Variants in HS6ST3 observed in about 807,000 individuals in gnomAD.
The protein encoded by HS6ST3 is heparan sulfate 6-O-sulfotransferase 3.
In HS6ST3, 12 loss-of-function variants were observed where a neutral mutation model predicts 36.7. The ratio of observed to expected loss-of-function variants is 0.33; its 90% CI spans 0.21 to 0.53. HS6ST3 has a LOEUF of 0.53. Ranked by LOEUF, HS6ST3 falls within the 20% of genes least tolerant of loss-of-function variation. The pLI is 0.95. For synonymous variants in HS6ST3, 240 were observed against 257.5 expected (o/e 0.93, Z 0.65); for missense variants, 584 against 640.9 (o/e 0.91, Z 0.96).
intron 1 of HS6ST3, among the ~76,000 whole-genome samples, chr13:96,432,238 T>A (rs2139475224): frequency 6.6e-6 from 1 of 152,332 alleles, no homozygotes; most frequent in East Asian, 1.9e-4. Context: ...AAACTATGGC[T>A]AATGACCCCT....
intron 1 of HS6ST3, among the ~76,000 whole-genome samples, chr13:96,125,772 A>C (rs1431833112): frequency 6.6e-6 from 1 of 150,630 alleles, no homozygotes; most frequent in African/African-American, 2.5e-5. Flanking sequence ...CCATTTTTTT[A>C]TTTTTTATTT....
intron 1 of HS6ST3, among the ~76,000 whole-genome samples, chr13:96,677,191 T>C (rs2056701548): frequency 6.6e-6 from 1 of 152,158 alleles, no homozygotes; most frequent in Admixed American, 6.6e-5. Flanking sequence ...GAGTCAAAGT[T>C]ATCTGTATTT....
intron 1 of HS6ST3, among the ~76,000 whole-genome samples, chr13:96,626,893 C>T (rs1399226968): frequency 6.6e-6 from 1 of 151,884 alleles, no homozygotes; most frequent in East Asian, 1.9e-4. Flanking sequence ...ATTTTCAATA[C>T]TCATTTTGTA....
At position 96,388,002 on chromosome 13, in the gene HS6ST3, C is replaced by T. The variant is rs749409466; in HGVS notation, c.707+296433C>T. On this transcript the variant is annotated intron_variant, in intron 1 of 1. Coordinates refer to ENST00000376705, the MANE Select transcript of HS6ST3 (RefSeq NM_153456.4). ...TACCACCAATTCTGATATAAAACAA[C>T]GATTTGGCCAACTTTGATGGCCTTT... Among the ~76,000 whole-genome samples the T allele has an allele frequency of 8.5e-5, 13 of 152,144 alleles. No individual in the cohort carries two copies. In the East Asian group the frequency reaches 1.4e-3, roughly 16 times the overall value.
At chr13:96,127,484 C>T (rs1023366621) in intron 1 of HS6ST3, among the ~76,000 whole-genome samples, 1 of 152,196 alleles carries the variant, frequency 6.6e-6, no homozygotes, top group Non-Finnish European at 1.5e-5. Flanking sequence ...GGTGGTGTTG[C>T]TCGCTTGCCT....
intron 1 of HS6ST3, among the ~76,000 whole-genome samples, chr13:96,107,242 G>A (rs1236313538): frequency 6.6e-6 from 1 of 152,152 alleles, no homozygotes; most frequent in African/African-American, 2.4e-5. Flanking sequence ...AAGTGTGCTG[G>A]ACTGTAGGAG....
chr13:96,427,140 G>C (rs2055591206), intron 1 of HS6ST3: 1 of 154,292 alleles, frequency 6.5e-6, no homozygotes, highest in African/African-American at 2.4e-5. Flanking sequence ...TAGTTGGTGG[G>C]GACATAGAAA....
At chr13:96,492,496 G>A (rs981083222) in intron 1 of HS6ST3, among the ~76,000 whole-genome samples, 3 of 152,224 alleles carry the variant, frequency 2.0e-5, no homozygotes, top group African/African-American at 7.2e-5. Context: ...AGTAATTTGA[G>A]TACTTTGCCT....
At chr13:96,286,384 G>A (rs2054802650) in intron 1 of HS6ST3, among the ~76,000 whole-genome samples, 1 of 152,116 alleles carries the variant, frequency 6.6e-6, no homozygotes, top group Admixed American at 6.5e-5. Context: ...CTGGATGTGT[G>A]TGTGGAGGGA....
At chr13:96,572,133 C>T (rs1369456449) in intron 1 of HS6ST3, among the ~76,000 whole-genome samples, 2 of 152,194 alleles carry the variant, frequency 1.3e-5, no homozygotes, top group African/African-American at 4.8e-5. Context: ...TTAATTTCTG[C>T]TATTAATAGA....
At chr13:96,335,161 A>G (rs921542782) in intron 1 of HS6ST3, among the ~76,000 whole-genome samples, 1 of 152,102 alleles carries the variant, frequency 6.6e-6, no homozygotes, top group African/African-American at 2.4e-5. Flanking sequence ...CATGTGTGCC[A>G]TGTGCCCATC....
intron 1 of HS6ST3, among the ~76,000 whole-genome samples, chr13:96,499,046 T>G (rs2055991238): frequency 8.1e-6 from 1 of 123,752 alleles, no homozygotes; most frequent in Admixed American, 8.3e-5. Context: ...TTTTTTTTTT[T>G]GAGAAGTCTG....
chr13:96,105,152 T>C (rs1484039703), intron 1 of HS6ST3, among the ~76,000 whole-genome samples: 2 of 151,078 alleles, frequency 1.3e-5, no homozygotes, highest in Admixed American at 1.3e-4. Flanking sequence ...AGACTAGACA[T>C]AGGATCAGAC....
At chr13:96,535,377 A>G (rs1470025295) in intron 1 of HS6ST3, among the ~76,000 whole-genome samples, 4 of 151,954 alleles carry the variant, frequency 2.6e-5, no homozygotes, top group Admixed American at 2.6e-4. Context: ...TAACACAGTG[A>G]AACCCTGTCT....
At chr13:96,746,996 T>A (rs1021918286) in intron 1 of HS6ST3, among the ~76,000 whole-genome samples, 7 of 152,142 alleles carry the variant, frequency 4.6e-5, no homozygotes, top group African/African-American at 1.4e-4. Context: ...CAAAAAGCTT[T>A]GCTTTGACTT....
intron 1 of HS6ST3, among the ~76,000 whole-genome samples, chr13:96,790,731 C>T (rs1009182397): frequency 2.0e-5 from 3 of 151,998 alleles, no homozygotes; most frequent in African/African-American, 7.2e-5. Flanking sequence ...ATGAAATACA[C>T]ATTCTCGGAT....
intron 1 of HS6ST3, among the ~76,000 whole-genome samples, chr13:96,676,673 A>C (rs2056699835): frequency 6.6e-6 from 1 of 152,156 alleles, no homozygotes; most frequent in South Asian, 2.1e-4. Context: ...AGTCTACCTC[A>C]AGGTTTTTGA....
chr13:96,804,084 AC>A (rs1878143669), intron 1 of HS6ST3, among the ~76,000 whole-genome samples: 1 of 151,532 alleles, frequency 6.6e-6, no homozygotes, highest in Non-Finnish European at 1.5e-5. Context: ...AAACTTGTAC[AC>A]CAAGGCAGTG....
chr13:96,350,702 A>T (rs2055177388), intron 1 of HS6ST3, among the ~76,000 whole-genome samples: 2 of 152,232 alleles, frequency 1.3e-5, no homozygotes, highest in South Asian at 4.1e-4. Context: ...TCTTTCCTCC[A>T]CATGGATATA....
Sources: gnomAD v4.1 joint callset for allele counts (sites outside exome capture counted in the v4.1 genomes callset) on GRCh38, gnomAD v4.1.1 for gene constraint, MANE v1.5 for transcripts, NCBI Gene and HGNC (gene_info 2026-07-23, HGNC 2026-07-21) for gene names.